SLA2: variants seen among roughly 807,000 people sequenced by gnomAD.
The protein encoded by SLA2 is Src like adaptor 2.
SLA2 carries 22 observed loss-of-function variants against 27.3 expected under a neutral mutation model. The observed-to-expected ratio is 0.81, with a 90% CI of 0.58 to 1.15. The LOEUF (loss-of-function observed/expected upper bound fraction) is 1.15. SLA2 is among the 50% of genes most tolerant of loss of function. The pLI is 0.00. For missense variants in SLA2, 304 were observed against 322.2 expected, an observed-to-expected ratio of 0.94 and a Z score of 0.43; for synonymous variants, 131 against 137.8, an observed-to-expected ratio of 0.95 and a Z score of 0.34.
At position 36,643,953 on chromosome 20, in the gene SLA2, C is replaced by A. The variant is rs149570551; in HGVS notation, c.-44+1884G>T. ...GGCGACAGAGCGAGACTCTGTACCC[C>A]CCTCCCGCCCCAAAAAACCTAATAC... On this transcript the variant is annotated intron_variant, in intron 1 of 7. Transcript: ENST00000262866. 7.6e-3 allele frequency among the ~76,000 whole-genome samples: 1,156 copies of A among 151,918 alleles called. 7 individuals are homozygous for A. The highest frequency in any genetic ancestry group is 0.012 in the Non-Finnish European group (847 of 67,900).
chr20:36,643,908 T>C (rs545620523), intron 1 of SLA2, among the ~76,000 whole-genome samples: 3 of 152,200 alleles, frequency 2.0e-5, no homozygotes, highest in African/African-American at 4.8e-5. Context: ...GCCGAGATTG[T>C]GCCACTGCAC....
chr20:36,616,092 A>T (rs954464860), intron 5 of SLA2, among the ~76,000 whole-genome samples: 1 of 152,222 alleles, frequency 6.6e-6, no homozygotes, highest in Non-Finnish European at 1.5e-5. Context: ...ATGACATTAT[A>T]TGTTGCACAG....
intron 2 of SLA2, among the ~76,000 whole-genome samples, chr20:36,635,262 C>G (rs1301166153): frequency 6.6e-6 from 1 of 151,730 alleles, no homozygotes; most frequent in African/African-American, 2.4e-5. Flanking sequence ...CCCTAGCATC[C>G]CTCCCTTCTT....
Position 36,632,800 on chromosome 20 carries a change from C to T in SLA2, c.279-102G>A, listed in dbSNP as rs1600827932. The T allele has an allele frequency of 2.5e-5, 21 of 834,722 alleles. 1 individual carries two copies. In the Admixed American group the frequency reaches 4.3e-4, roughly 17 times the overall value. The allele number at this position is 834,722 out of a possible 1,614,324, so 51.7% of individuals were successfully genotyped here. A position where few individuals can be genotyped will look rare whatever the true frequency, so the allele number is the denominator to read the frequency against. ...CTGAGTGACCCTCACAAGGCCCTCCCTCTCTGGGCCTCAGAGTTCTATCTG... is the reference window on the plus strand; with the variant it reads ...CTGAGTGACCCTCACAAGGCCCTCCTTCTCTGGGCCTCAGAGTTCTATCTG... On this transcript the variant is annotated intron_variant, in intron 4 of 7. Transcript: ENST00000262866.
chr20:36,622,921 G>A (rs1269719421), intron 5 of SLA2, among the ~76,000 whole-genome samples: 1 of 152,180 alleles, frequency 6.6e-6, no homozygotes, highest in Non-Finnish European at 1.5e-5. Context: ...TGTTGGGGGG[G>A]ATGATGATTC....
rs906206327 is a variant in SLA2, at chr20:36,625,304, C to T, written c.382+7291G>A. ...ATTGCATGATCTCAGCTCACTGCAA[C>T]CTCCACCTCCTGGTTTCAAGCAATT... is the stretch of plus-strand genomic sequence containing the variant. On this transcript the variant is annotated intron_variant, in intron 5 of 7. Transcript: ENST00000262866. 4.1e-5 allele frequency among the ~76,000 whole-genome samples: 6 copies of T among 145,550 alleles called. No individual in the cohort carries two copies. The Admixed American group carries it at 4.3e-4, about 10-fold the overall frequency.
At chr20:36,636,508 A>T (rs1338533270) in intron 2 of SLA2, among the ~76,000 whole-genome samples, 1 of 148,952 alleles carries the variant, frequency 6.7e-6, no homozygotes, top group Non-Finnish European at 1.5e-5. Context: ...AGGAGGCTGA[A>T]GCAGGAGAAT....
At chr20:36,617,123 C>T (rs1425432494) in intron 5 of SLA2, among the ~76,000 whole-genome samples, 3 of 151,672 alleles carry the variant, frequency 2.0e-5, no homozygotes, top group East Asian at 1.9e-4. Context: ...TTTGGGAGGC[C>T]GAGGTGGGCG....
rs572240742 is a variant in SLA2, at chr20:36,612,697, C to A, written c.*1169G>T. ...CTTAGCGGATCCAGCAGACCTCTTT[C>A]TGTTTATGGAGGCAGCAGGGAAATC... On this transcript the variant is annotated 3_prime_UTR_variant, in exon 8 of 8. Coordinates refer to ENST00000262866, the MANE Select transcript of SLA2 (RefSeq NM_032214.4). 6.0e-5 allele frequency: 13 copies of A among 215,420 alleles called. No individual in the cohort carries two copies. The highest frequency in any genetic ancestry group is 3.0e-4 in the African/African-American group (13 of 43,786). The allele number at this position is 215,420 out of a possible 1,614,324, so 13.3% of individuals were successfully genotyped here. A position where few individuals can be genotyped will look rare whatever the true frequency, so the allele number is the denominator to read the frequency against.
intron 6 of SLA2, chr20:36,614,857 G>C: frequency 1.0e-6 from 1 of 985,402 alleles, no homozygotes; most frequent in Non-Finnish European, 1.2e-6. Flanking sequence ...TCCAGTGTCT[G>C]TTGAAGGACA....
At chr20:36,638,075 T>G (rs1241851273) in intron 2 of SLA2, among the ~76,000 whole-genome samples, 6 of 151,524 alleles carry the variant, frequency 4.0e-5, no homozygotes. Flanking sequence ...GTATTTTTAG[T>G]AGAGACGGGG....
At chr20:36,618,315 C>A (rs1240963533) in intron 5 of SLA2, among the ~76,000 whole-genome samples, 1 of 151,954 alleles carries the variant, frequency 6.6e-6, no homozygotes, top group African/African-American at 2.4e-5. Flanking sequence ...TGACTCACCA[C>A]AACCTCCGCC....
intron 7 of SLA2, 50 bp downstream of exon 7, chr20:36,614,255 C>A: frequency 1.2e-6 from 2 of 1,613,930 alleles, no homozygotes; most frequent in Non-Finnish European, 1.7e-6. Flanking sequence ...GGGGTGGGTC[C>A]TTCTAACTCT....
At chr20:36,622,988 G>A (rs767513698) in intron 5 of SLA2, among the ~76,000 whole-genome samples, 1 of 152,158 alleles carries the variant, frequency 6.6e-6, no homozygotes, top group Non-Finnish European at 1.5e-5. Context: ...TACAGCTAAG[G>A]CTAGGTGCGG....
chr20:36,642,714 T>C (rs1042218913), intron 1 of SLA2, among the ~76,000 whole-genome samples: 2 of 151,922 alleles, frequency 1.3e-5, no homozygotes, highest in African/African-American at 4.8e-5. Flanking sequence ...GCCTCCCGAG[T>C]AGCTGGGATT....
intron 6 of SLA2, chr20:36,614,712 A>G (rs2039187030): frequency 9.1e-6 from 9 of 985,414 alleles, no homozygotes; most frequent in Non-Finnish European, 1.1e-5. Flanking sequence ...GGAAGAAGAA[A>G]GCTAAGGAAT....
chr20:36,617,152 G>A (rs894949471), intron 5 of SLA2, among the ~76,000 whole-genome samples: 3 of 151,758 alleles, frequency 2.0e-5, no homozygotes, highest in Admixed American at 1.3e-4. Flanking sequence ...GAGGTCAGGA[G>A]CTCAAGAACA....
At chr20:36,636,962 A>C (rs550499703) in intron 2 of SLA2, among the ~76,000 whole-genome samples, 64 of 147,882 alleles carry the variant, frequency 4.3e-4, no homozygotes, top group African/African-American at 1.5e-3. Context: ...CACCCCCCCC[A>C]AAAAAAGAAA....
At position 36,612,405 on chromosome 20, in the gene SLA2, T is replaced by TAG; in HGVS notation, c.*1459_*1460dup. Reference sequence around the variant, plus strand: ...GTCTTCCTCGATTCTCCATCGGGTGTAGAGTTTTTAAACTATCAATGGCAT... The same window carrying TAG: ...GTCTTCCTCGATTCTCCATCGGGTGTAGAGAGTTTTTAAACTATCAATGGCAT... On this transcript the variant is annotated 3_prime_UTR_variant, in exon 8 of 8. Coordinates refer to ENST00000262866, the MANE Select transcript of SLA2 (RefSeq NM_032214.4). 1 of 644,914 alleles carries TAG rather than the reference T, an allele frequency of 1.6e-6. No individual in the cohort carries two copies. Among genetic ancestry groups the TAG allele is most frequent in the Admixed American group, 2.8e-5 (1 of 35,222 alleles). 39.9% of individuals were successfully genotyped at this position (644,914 alleles called of 1,614,324 possible).
Sources: gnomAD v4.1 joint callset for allele counts (sites outside exome capture counted in the v4.1 genomes callset) on GRCh38, gnomAD v4.1.1 for gene constraint, MANE v1.5 for transcripts, NCBI Gene and HGNC (gene_info 2026-07-23, HGNC 2026-07-21) for gene names.